The following PTPRM variants were observed in gnomAD, a reference collection of about 807,000 sequenced individuals.
PTPRM encodes the protein receptor-type tyrosine-protein phosphatase mu.
PTPRM carries 47 observed loss-of-function variants against 186.7 expected under a neutral mutation model. The ratio of observed to expected loss-of-function variants is 0.25; its 90% CI spans 0.20 to 0.32. The LOEUF (loss-of-function observed/expected upper bound fraction) is 0.32. Among genes scored for constraint, PTPRM ranks in the 10% least tolerant of loss-of-function variants. The pLI, the probability that PTPRM is intolerant of heterozygous loss-of-function variation, is 1.00. For missense variants in PTPRM, 1,494 were observed against 1,865.0 expected (o/e 0.80, Z 3.66); for synonymous variants, 668 against 674.9 (o/e 0.99, Z 0.16).
chr18:7,641,547 G>A (rs1176290193), intron 1 of PTPRM, among the ~76,000 whole-genome samples: 1 of 152,188 alleles, frequency 6.6e-6, no homozygotes, highest in Non-Finnish European at 1.5e-5. Context: ...ATACCCATAT[G>A]TAAAACTAGA....
intron 7 of PTPRM, among the ~76,000 whole-genome samples, chr18:8,017,316 A>C (rs1336828951): frequency 6.6e-6 from 1 of 152,238 alleles, no homozygotes; most frequent in African/African-American, 2.4e-5. Flanking sequence ...AGGCAGGCGG[A>C]TCACAAGGTC....
intron 14 of PTPRM, among the ~76,000 whole-genome samples, chr18:8,190,262 A>G (rs1425054099): frequency 5.9e-5 from 9 of 152,196 alleles, no homozygotes; most frequent in Admixed American, 5.9e-4. Flanking sequence ...TTTGACCAAC[A>G]TCATTCCAGC....
At chr18:7,645,681 T>C (rs1247068964) in intron 1 of PTPRM, among the ~76,000 whole-genome samples, 3 of 152,164 alleles carry the variant, frequency 2.0e-5, no homozygotes, top group African/African-American at 7.2e-5. Context: ...ATTCAATATA[T>C]AACACAGATA....
intron 11 of PTPRM, among the ~76,000 whole-genome samples, chr18:8,098,253 C>G (rs1295218972): frequency 2.0e-5 from 3 of 152,092 alleles, no homozygotes; most frequent in Non-Finnish European, 4.4e-5. Flanking sequence ...TTTCCCTAGG[C>G]TAAACATTAT....
chr18:7,578,225 A>G (rs1201966307), intron 1 of PTPRM, among the ~76,000 whole-genome samples: 2 of 152,126 alleles, frequency 1.3e-5, no homozygotes, highest in African/African-American at 2.4e-5. Context: ...TGCAAGTGGC[A>G]TGATCATAGC....
At chr18:7,616,220 C>T (rs2037800014) in intron 1 of PTPRM, among the ~76,000 whole-genome samples, 1 of 152,116 alleles carries the variant, frequency 6.6e-6, no homozygotes, top group Non-Finnish European at 1.5e-5. Flanking sequence ...GTGGTGGTGC[C>T]ATCACTGCTC....
At chr18:8,212,561 G>GC (rs2094020988) in intron 14 of PTPRM, among the ~76,000 whole-genome samples, 2 of 152,136 alleles carry the variant, frequency 1.3e-5, no homozygotes, top group Admixed American at 1.3e-4. Flanking sequence ...TCAGTGCTTT[G>GC]TGGGGGGCCA....
At chr18:8,036,170 A>G (rs1004310637) in intron 7 of PTPRM, among the ~76,000 whole-genome samples, 2 of 152,170 alleles carry the variant, frequency 1.3e-5, no homozygotes, top group Non-Finnish European at 2.9e-5. Flanking sequence ...CGTCGGGGTA[A>G]CTCCGGGGAA....
chr18:8,358,312 T>C lies in PTPRM; in HGVS notation c.3055-12578T>C, dbSNP rs535050983. Among the ~76,000 whole-genome samples the C allele has an allele frequency of 3.3e-5, 5 of 151,488 alleles. No homozygotes were observed. In the South Asian group the frequency reaches 1.1e-3, roughly 32 times the overall value. The stretch of plus-strand genomic sequence containing the variant: ...GGACATGCACACACACACATCCCTA[T>C]CTCCATTTCAGAAATGTTCTTTGCT... On this transcript the variant is annotated intron_variant, in intron 23 of 32. Coordinates refer to ENST00000580170, the MANE Select transcript of PTPRM (RefSeq NM_001105244.2).
At chr18:8,112,100 T>C (rs1026448827) in intron 11 of PTPRM, among the ~76,000 whole-genome samples, 2 of 152,238 alleles carry the variant, frequency 1.3e-5, no homozygotes, top group African/African-American at 4.8e-5. Context: ...ATCTGCTGTT[T>C]AGGAAATAAG....
At chr18:8,306,812 G>T (rs977770802) in intron 20 of PTPRM, among the ~76,000 whole-genome samples, 1 of 152,180 alleles carries the variant, frequency 6.6e-6, no homozygotes, top group Non-Finnish European at 1.5e-5. Flanking sequence ...TTGTCTGAGT[G>T]TCTCCCACAT....
At position 8,048,669 on chromosome 18, in the gene PTPRM, T is replaced by A. The variant is rs1046440216; in HGVS notation, c.1133-21017T>A. On this transcript the variant is annotated intron_variant, in intron 7 of 32. Coordinates refer to ENST00000580170, the MANE Select transcript of PTPRM (RefSeq NM_001105244.2). Reference sequence around the variant, plus strand: ...TCTAGCAGAGTTGAGTGTGGTCTTTTGTGAAACCATTTGCGTAGACTTGTA... The same window carrying A: ...TCTAGCAGAGTTGAGTGTGGTCTTTAGTGAAACCATTTGCGTAGACTTGTA... Among the ~76,000 whole-genome samples, 6 of 152,260 alleles carry A rather than the reference T, an allele frequency of 3.9e-5. 1 individual carries two copies. The Middle Eastern group carries it at 0.017, about 432-fold the overall frequency.
At chr18:7,891,287 A>G (rs1288628614) in intron 3 of PTPRM, among the ~76,000 whole-genome samples, 3 of 152,182 alleles carry the variant, frequency 2.0e-5, no homozygotes, top group Admixed American at 6.5e-5. Flanking sequence ...CCTTGCCTCA[A>G]GAAAAAAAAT....
chr18:8,167,423 G>A (rs2093339548), intron 14 of PTPRM, among the ~76,000 whole-genome samples: 1 of 152,236 alleles, frequency 6.6e-6, no homozygotes, highest in Non-Finnish European at 1.5e-5. Flanking sequence ...TCACCTTGGT[G>A]ACTCAGGAGT....
chr18:7,806,050 C>T (rs2145417054), intron 2 of PTPRM, among the ~76,000 whole-genome samples: 1 of 152,306 alleles, frequency 6.6e-6, no homozygotes, highest in Non-Finnish European at 1.5e-5. Context: ...GCAGAGGCTG[C>T]AGGCTGCCAG....
chr18:7,966,209 T>G (rs2054038794), intron 7 of PTPRM, among the ~76,000 whole-genome samples: 1 of 152,044 alleles, frequency 6.6e-6, no homozygotes, highest in Non-Finnish European at 1.5e-5. Flanking sequence ...TACAAGAAAT[T>G]TTATTAGGAA....
At chr18:8,264,327 A>G (rs567598719) in intron 19 of PTPRM, among the ~76,000 whole-genome samples, 8 of 152,330 alleles carry the variant, frequency 5.3e-5, no homozygotes, top group Admixed American at 2.0e-4. Flanking sequence ...CTATATCATC[A>G]TAGACAGTTT....
chr18:7,843,616 G>A (rs1567904341), intron 2 of PTPRM, among the ~76,000 whole-genome samples: 2 of 152,152 alleles, frequency 1.3e-5, no homozygotes, highest in Non-Finnish European at 2.9e-5. Flanking sequence ...ATGGGCTGTT[G>A]CATGAACAAC....
At chr18:7,659,814 G>T (rs144138098) in intron 1 of PTPRM, among the ~76,000 whole-genome samples, 2 of 152,290 alleles carry the variant, frequency 1.3e-5, no homozygotes, top group African/African-American at 2.4e-5. Context: ...AAAAGAAATG[G>T]CCCGGTCTGT....
Sources: gnomAD v4.1 joint callset for allele counts (sites outside exome capture counted in the v4.1 genomes callset) on GRCh38, gnomAD v4.1.1 for gene constraint, MANE v1.5 for transcripts, NCBI Gene and HGNC (gene_info 2026-07-23, HGNC 2026-07-21) for gene names.